FANCI: variants seen among roughly 807,000 people sequenced by gnomAD.
FANCI encodes Fanconi anemia group I protein.
A neutral mutation model predicts 176.1 loss-of-function variants in FANCI; 156 were observed. The ratio of observed to expected loss-of-function variants is 0.89; its 90% CI spans 0.78 to 1.01. FANCI has a LOEUF of 1.01. Among genes scored for constraint, FANCI ranks in the 50% least tolerant of loss-of-function variants. The pLI, the probability that FANCI is intolerant of heterozygous loss-of-function variation, is 0.00. For missense variants in FANCI, 1,678 were observed against 1,534.1 expected, an observed-to-expected ratio of 1.09 and a Z score of -1.57; for synonymous variants, 613 against 541.7, an observed-to-expected ratio of 1.13 and a Z score of -1.83.
chr15:89,256,392 G>A (rs2151185952), intron 2 of FANCI, among the ~76,000 whole-genome samples: 1 of 152,358 alleles, frequency 6.6e-6, no homozygotes, highest in East Asian at 1.9e-4. Context: ...GTATAGGCAA[G>A]AGTAGTCAGA....
chr15:89,255,117 C>G (rs1201447977), intron 2 of FANCI, among the ~76,000 whole-genome samples: 1 of 152,192 alleles, frequency 6.6e-6, no homozygotes, highest in Non-Finnish European at 1.5e-5. Flanking sequence ...CTACACTCTG[C>G]AATAGTTCTC....
chr15:89,313,807 T>A (rs1234295533), intron 35 of FANCI, among the ~76,000 whole-genome samples: 1 of 151,890 alleles, frequency 6.6e-6, no homozygotes, highest in Admixed American at 6.6e-5. Context: ...TGGAGAGATA[T>A]GAAAAAAATA....
At chr15:89,286,037 G>A (rs1192333811) in intron 18 of FANCI, among the ~76,000 whole-genome samples, 1 of 151,688 alleles carries the variant, frequency 6.6e-6, no homozygotes, top group African/African-American at 2.4e-5. Flanking sequence ...AGGCTGGAGT[G>A]CAGTGGCACA....
rs991823575 is a variant in FANCI, at chr15:89,316,751, C to G, written c.*292C>G. On this transcript the variant is annotated 3_prime_UTR_variant, in exon 38 of 38. Transcript: ENST00000310775. ...GCAAATACAGAGCCTCCAGGCAGTG[C>G]TATGGTCCAGGCTGGCTTCGTTTTT... 5.6e-6 allele frequency: 9 copies of G among 1,610,816 alleles called. No individual in the cohort carries two copies. The highest frequency in any genetic ancestry group is 7.6e-6 in the Non-Finnish European group (9 of 1,176,934).
chr15:89,316,318 T>G (rs2055256615), intron 37 of FANCI, 79 bp from the exon 38 acceptor site: 4 of 1,378,504 alleles, frequency 2.9e-6, no homozygotes, highest in Admixed American at 2.0e-5. Context: ...GAAGATAGAG[T>G]CTTTTTTTTC....
intron 24 of FANCI, 42 bp from the exon 25 acceptor site, chr15:89,299,758 T>G: frequency 6.3e-7 from 1 of 1,599,572 alleles, no homozygotes; most frequent in East Asian, 2.2e-5. Flanking sequence ...TTTATCTCGG[T>G]GAACCTGTCT....
At position 89,312,951 on chromosome 15, in the gene FANCI, T is replaced by TGCTGCC; in HGVS notation, c.3701_3706dup (p.Ala1234_Ala1235dup). ...ATACGGGAGAGAAAAAGGAGAAACC[T>TGCTGCC]GCTGCCGTTGCCACAGCCATGGTAA... On this transcript the variant is annotated inframe_insertion, in exon 35 of 38. Coordinates refer to ENST00000310775, the MANE Select transcript of FANCI (RefSeq NM_001113378.2). 2 of 1,614,072 alleles carry TGCTGCC rather than the reference T, an allele frequency of 1.2e-6. No homozygotes were observed. Among genetic ancestry groups the TGCTGCC allele is most frequent in the Non-Finnish European group, 1.7e-6 (2 of 1,180,016 alleles).
intron 12 of FANCI, among the ~76,000 whole-genome samples, chr15:89,274,961 A>G (rs376695813): frequency 1.1e-4 from 17 of 151,676 alleles, no homozygotes; most frequent in East Asian, 5.8e-4. Flanking sequence ...CTGGAGTGCA[A>G]TGGCTATTCA....
intron 34 of FANCI, among the ~76,000 whole-genome samples, chr15:89,311,131 C>CGT (rs2054940052): frequency 6.6e-6 from 1 of 151,882 alleles, no homozygotes; most frequent in African/African-American, 2.4e-5. Flanking sequence ...TGGTGGCAGG[C>CGT]GCCTGTAATC....
At chr15:89,306,366 C>G (rs772508670) in intron 32 of FANCI, among the ~76,000 whole-genome samples, 172 bp downstream of exon 32, 3 of 151,976 alleles carry the variant, frequency 2.0e-5, no homozygotes, top group Non-Finnish European at 4.4e-5. Context: ...GCAGGCATCT[C>G]CACAGGCCAG....
intron 35 of FANCI, among the ~76,000 whole-genome samples, chr15:89,313,388 G>C (rs1369998929): frequency 6.6e-6 from 1 of 152,184 alleles, no homozygotes; most frequent in Non-Finnish European, 1.5e-5. Context: ...ATCAGATGGA[G>C]CATCTTATTT....
chr15:89,316,609 C>G lies in FANCI; in HGVS notation c.*150C>G. On this transcript the variant is annotated 3_prime_UTR_variant, in exon 38 of 38. Transcript: ENST00000310775. ...AACTGCACCTTCAGTTAGAAGGAAT[C>G]TTCTTGGCAGGTCCTGCTACTGAAA... is the stretch of plus-strand genomic sequence containing the variant. 9.0e-7 allele frequency: 1 copy of G among 1,106,318 alleles called. No homozygotes were observed. The highest frequency in any genetic ancestry group is 2.5e-5 in the East Asian group (1 of 40,560). 68.5% of individuals were successfully genotyped at this position (1,106,318 alleles called of 1,614,324 possible). A position where few individuals can be genotyped will look rare whatever the true frequency, so the allele number is the denominator to read the frequency against.
intron 16 of FANCI, 116 bp from the exon 17 acceptor site, chr15:89,283,020 A>G (rs570674093): frequency 1.3e-5 from 13 of 992,818 alleles, no homozygotes; most frequent in African/African-American, 3.2e-5. Flanking sequence ...GTTTTGCTCT[A>G]CGCTTCATTG....
chr15:89,261,320 C>A (rs2052703806), intron 4 of FANCI, among the ~76,000 whole-genome samples: 1 of 152,130 alleles, frequency 6.6e-6, no homozygotes, highest in Non-Finnish European at 1.5e-5. Context: ...GTATATATTA[C>A]ATTTCTGGTA....
In FANCI at chr15:89,316,477, A is replaced by G. The variant is rs1169280994; in HGVS notation, c.*18A>G. 8 of 1,602,360 alleles carry G rather than the reference A, an allele frequency of 5.0e-6. No individual in the cohort carries two copies. Among genetic ancestry groups the G allele is most frequent in the Non-Finnish European group, 6.8e-6 (8 of 1,173,626 alleles). On this transcript the variant is annotated 3_prime_UTR_variant, in exon 38 of 38. Transcript: ENST00000310775. ...AAAAATAAATGAAATGCCTGAGTTA[A>G]TGTGAACTTTGGGGCTTCTGCTTCA... is the stretch of plus-strand genomic sequence containing the variant.
In FANCI at chr15:89,307,609, G is replaced by T; in HGVS notation, c.3592-4G>T. On this transcript the variant is annotated splice_polypyrimidine_tract_variant and splice_region_variant and intron_variant, in intron 33 of 37. Coordinates refer to ENST00000310775, the MANE Select transcript of FANCI (RefSeq NM_001113378.2). ...CATTGGTTTCCTTCTCCCTTGTTGT[G>T]CAGGTGAAGCTGTCTGGTTCTCATC... 1 of 1,614,164 alleles carries T rather than the reference G, an allele frequency of 6.2e-7. No homozygotes were observed. The highest frequency in any genetic ancestry group is 1.1e-5 in the South Asian group (1 of 91,070).
intron 35 of FANCI, among the ~76,000 whole-genome samples, chr15:89,314,184 A>G (rs1346726056): frequency 6.7e-6 from 1 of 149,978 alleles, no homozygotes; most frequent in East Asian, 1.9e-4. Flanking sequence ...GGAAAGACAC[A>G]CACACACACA....
chr15:89,247,017 C>A (rs1365326180), intron 1 of FANCI, among the ~76,000 whole-genome samples: 2 of 151,406 alleles, frequency 1.3e-5, no homozygotes, highest in Non-Finnish European at 2.9e-5. Context: ...GATCTGCCCT[C>A]CTCAGCCTCC....
In FANCI at chr15:89,292,652, C is replaced by A. The variant is rs774927943; in HGVS notation, c.1993-36C>A. ...CAACTTTATAAGTTATCCATCAACA[C>A]TCAAGAGTATTTAATTTACTTATTT... On this transcript the variant is annotated intron_variant, in intron 20 of 37. Coordinates refer to ENST00000310775, the MANE Select transcript of FANCI (RefSeq NM_001113378.2). 2.5e-6 allele frequency: 4 copies of A among 1,600,320 alleles called. No individual in the cohort carries two copies. The Admixed American group carries it at 6.7e-5, about 27-fold the overall frequency.
Sources: gnomAD v4.1 joint callset for allele counts (sites outside exome capture counted in the v4.1 genomes callset) on GRCh38, gnomAD v4.1.1 for gene constraint, MANE v1.5 for transcripts, NCBI Gene and HGNC (gene_info 2026-07-23, HGNC 2026-07-21) for gene names.